The following PON2 variants were observed in gnomAD, a reference collection of about 807,000 sequenced individuals.
PON2 encodes serum paraoxonase/arylesterase 2.
PON2 carries 27 observed loss-of-function variants against 36.6 expected under a neutral mutation model. The observed-to-expected ratio is 0.74, with a 90% CI of 0.54 to 1.02. PON2 has a LOEUF of 1.02. Among genes scored for constraint, PON2 ranks in the 50% least tolerant of loss-of-function variants. The probability of loss-of-function intolerance (pLI) is 0.00; values close to 1 mark genes in which losing one functional copy is unlikely to be tolerated. For synonymous variants in PON2, 149 were observed against 156.3 expected, an observed-to-expected ratio of 0.95 and a Z score of 0.35; for missense variants, 363 against 421.1, an observed-to-expected ratio of 0.86 and a Z score of 1.21.
intron 1 of PON2, among the ~76,000 whole-genome samples, chr7:95,429,034 A>G (rs1340006440): frequency 3.3e-5 from 5 of 151,222 alleles, no homozygotes; most frequent in Non-Finnish European, 4.4e-5. Context: ...CAAAGCATGA[A>G]CTTTTTTTTT....
chr7:95,417,469 A>C lies in PON2; in HGVS notation c.146-1172T>G, dbSNP rs77762163. On this transcript the variant is annotated intron_variant, in intron 2 of 8. Coordinates refer to ENST00000222572, the MANE Select transcript of PON2 (RefSeq NM_000305.3). ...GTATCTGTGAACCCTCGGAAATTCT[A>C]TGCAATGCAAAATGTCTCATGTATG... is the stretch of plus-strand genomic sequence containing the variant. 3.9e-5 allele frequency among the ~76,000 whole-genome samples: 6 copies of C among 152,256 alleles called. No individual in the cohort carries two copies. The East Asian group carries it at 1.2e-3, about 29-fold the overall frequency.
chr7:95,406,415 C>A, intron 7 of PON2, 168 bp from the exon 8 acceptor site: 1 of 703,134 alleles, frequency 1.4e-6, no homozygotes, highest in Non-Finnish European at 2.3e-6. Flanking sequence ...TGGTTTGGAG[C>A]CACTTTTCTT....
intron 5 of PON2, among the ~76,000 whole-genome samples, chr7:95,410,443 G>C (rs1370306394): frequency 6.6e-6 from 1 of 152,198 alleles, no homozygotes; most frequent in African/African-American, 2.4e-5. Flanking sequence ...CCACAGTACA[G>C]AGCTGGAGAG....
At chr7:95,420,571 C>G (rs982932976) in intron 2 of PON2, among the ~76,000 whole-genome samples, 2 of 152,152 alleles carry the variant, frequency 1.3e-5, no homozygotes, top group African/African-American at 2.4e-5. Context: ...TTTATTAAAG[C>G]AGACACAATA....
rs746128274 is a variant in PON2, at chr7:95,409,896, C to G, written c.695+5G>C. On this transcript the variant is annotated splice_donor_5th_base_variant and intron_variant, in intron 6 of 8. Coordinates refer to ENST00000222572, the MANE Select transcript of PON2 (RefSeq NM_000305.3). ...AAAATGAAGATATTCTATAAGGGGC[C>G]ATACTTATCATCAGGTGAAATATTG... is the stretch of plus-strand genomic sequence containing the variant. 1 of 1,611,240 alleles carries G rather than the reference C, an allele frequency of 6.2e-7. No individual in the cohort carries two copies. The highest frequency in any genetic ancestry group is 8.5e-7 in the Non-Finnish European group (1 of 1,178,764).
In PON2 at chr7:95,416,483, A is replaced by T. The variant is rs369333959; in HGVS notation, c.146-186T>A. 5 of 644,648 alleles carry T rather than the reference A, an allele frequency of 7.8e-6. No individual in the cohort carries two copies. The African/African-American group carries it at 9.2e-5, about 12-fold the overall frequency. 39.9% of individuals were successfully genotyped at this position (644,648 alleles called of 1,614,324 possible). A position where few individuals can be genotyped will look rare whatever the true frequency, so the allele number is the denominator to read the frequency against. On this transcript the variant is annotated intron_variant, in intron 2 of 8. Coordinates refer to ENST00000222572, the MANE Select transcript of PON2 (RefSeq NM_000305.3). ...AACCCCTTCCTGAAGTGAACTTCTGACTTTAAATGTTAGATATTTTATGTT... is the reference window on the plus strand; with the variant it reads ...AACCCCTTCCTGAAGTGAACTTCTGTCTTTAAATGTTAGATATTTTATGTT...
At chr7:95,421,305 G>A (rs1789187093) in intron 2 of PON2, among the ~76,000 whole-genome samples, 1 of 152,210 alleles carries the variant, frequency 6.6e-6, no homozygotes, top group Non-Finnish European at 1.5e-5. Flanking sequence ...CATGTAACAT[G>A]GCTGGTTGTG....
Position 95,405,407 on chromosome 7 carries a change from T to C in PON2, c.988A>G (p.Ser330Gly). 3.7e-6 allele frequency: 6 copies of C among 1,613,832 alleles called. No individual in the cohort carries two copies. Among genetic ancestry groups the C allele is most frequent in the Non-Finnish European group, 5.1e-6 (6 of 1,179,750 alleles). The stretch of plus-strand genomic sequence containing the variant: ...CCATCATACACTGAGGCTACAGAAC[T>C]TCCTTGGAGAACAGACCCATTGTTG... Reference protein sequence around the residue: ...YANNGSVLQGSSVASVYDGKL... With the variant: ...YANNGSVLQGGSVASVYDGKL... The change falls in exon 9 of 9, where the codon AGT becomes GGT. Residue 330 changes from serine to glycine, a missense_variant. Physicochemically the swap from Ser to Gly is moderately conservative, Grantham distance 56. Coordinates refer to ENST00000222572, the MANE Select transcript of PON2 (RefSeq NM_000305.3).
At chr7:95,428,693 AT>A (rs1789369988) in intron 1 of PON2, among the ~76,000 whole-genome samples, 1 of 152,224 alleles carries the variant, frequency 6.6e-6, no homozygotes, top group African/African-American at 2.4e-5. Flanking sequence ...TGGTAGCAGT[AT>A]TTAATTGGTT....
chr7:95,419,053 A>G (rs531053566), intron 2 of PON2, among the ~76,000 whole-genome samples: 5 of 152,332 alleles, frequency 3.3e-5, no homozygotes, highest in African/African-American at 1.2e-4. Flanking sequence ...TCATTACTAC[A>G]CTAAAAATTC....
chr7:95,417,921 T>C (rs905645836), intron 2 of PON2, among the ~76,000 whole-genome samples: 1 of 152,220 alleles, frequency 6.6e-6, no homozygotes, highest in African/African-American at 2.4e-5. Context: ...TTTTTCTTTA[T>C]ACTTTGTTTA....
intron 1 of PON2, 47 bp downstream of exon 1, chr7:95,434,831 C>T (rs1179114562): frequency 1.2e-5 from 19 of 1,528,196 alleles, no homozygotes; most frequent in Non-Finnish European, 1.6e-5. Context: ...CGCGGCCACC[C>T]CGAGCCTGGG....
intron 2 of PON2, among the ~76,000 whole-genome samples, chr7:95,420,094 T>C (rs1789158349): frequency 2.0e-5 from 3 of 152,048 alleles, no homozygotes; most frequent in Non-Finnish European, 4.4e-5. Flanking sequence ...GAGCCTCAGG[T>C]ACTTATCTGC....
chr7:95,420,300 G>A (rs1017872761), intron 2 of PON2, among the ~76,000 whole-genome samples: 2 of 152,124 alleles, frequency 1.3e-5, no homozygotes, highest in African/African-American at 2.4e-5. Flanking sequence ...TAGTTATCTT[G>A]AGAAAGACAG....
At chr7:95,409,073 G>A (rs564385217) in intron 6 of PON2, among the ~76,000 whole-genome samples, 62 of 152,292 alleles carry the variant, frequency 4.1e-4, no homozygotes, top group Admixed American at 9.8e-4. Context: ...AGCACTTCGG[G>A]AGGCTGAGGT....
intron 2 of PON2, among the ~76,000 whole-genome samples, chr7:95,420,717 C>T (rs1476362459): frequency 1.3e-5 from 2 of 152,152 alleles, no homozygotes; most frequent in Non-Finnish European, 2.9e-5. Context: ...AGGTTCACCT[C>T]TTAGAGGGAT....
chr7:95,411,739 G>C lies in PON2; in HGVS notation c.408C>G (p.Phe136Leu). The part of the protein sequence containing the change: ...VYLFVVNHPE[F>L]KNTVEIFKFE... ...ATTTAAAAATTTCCACTGTATTCTT[G>C]AATTCTGGGTGGTTTACAACAAAGA... Residue 136 changes from phenylalanine to leucine, a missense_variant, in exon 5 of 9, where the codon TTC becomes TTG. Phe to Leu is a conservative substitution (Grantham distance 22, BLOSUM62 0). Coordinates refer to ENST00000222572, the MANE Select transcript of PON2 (RefSeq NM_000305.3). 6.2e-7 allele frequency: 1 copy of C among 1,613,550 alleles called. No individual in the cohort carries two copies.
chr7:95,419,857 T>C (rs1789153437), intron 2 of PON2, among the ~76,000 whole-genome samples: 1 of 152,176 alleles, frequency 6.6e-6, no homozygotes, highest in African/African-American at 2.4e-5. Flanking sequence ...CCCTAGGCCA[T>C]TCACTTACCT....
intron 2 of PON2, among the ~76,000 whole-genome samples, chr7:95,421,369 A>G (rs945023670): frequency 6.6e-6 from 1 of 152,252 alleles, no homozygotes; most frequent in Admixed American, 6.5e-5. Flanking sequence ...TCCCAGGGCC[A>G]AGGGCTGTTT....
Sources: allele counts gnomAD v4.1 joint callset (sites outside exome capture counted in the v4.1 genomes callset), GRCh38; gene constraint gnomAD v4.1.1; transcripts MANE v1.5; gene names NCBI Gene and HGNC (gene_info 2026-07-23, HGNC 2026-07-21).